RAB22A: variants seen among roughly 807,000 people sequenced by gnomAD.
RAB22A encodes RAB22A, member RAS oncogene family.
In RAB22A, 13 loss-of-function variants were observed where a neutral mutation model predicts 30.2. That is an observed-to-expected ratio of 0.43 (90% CI 0.28 to 0.68). RAB22A has a LOEUF of 0.68. Ranked by LOEUF, RAB22A falls within the 30% of genes least tolerant of loss-of-function variation. The probability of loss-of-function intolerance (pLI) is 0.18; values close to 1 mark genes in which losing one functional copy is unlikely to be tolerated. For synonymous variants in RAB22A, 89 were observed against 87.2 expected, an observed-to-expected ratio of 1.02 and a Z score of -0.11; for missense variants, 177 against 246.8, an observed-to-expected ratio of 0.72 and a Z score of 1.89.
At chr20:58,310,747 A>G (rs1986208477) in intron 1 of RAB22A, among the ~76,000 whole-genome samples, 1 of 152,224 alleles carries the variant, frequency 6.6e-6, no homozygotes, top group African/African-American at 2.4e-5. Flanking sequence ...TTCAAAGTTT[A>G]CTAACATATG....
At chr20:58,351,236 T>A (rs1352422500) in intron 3 of RAB22A, among the ~76,000 whole-genome samples, 3 of 150,792 alleles carry the variant, frequency 2.0e-5, no homozygotes, top group Non-Finnish European at 4.4e-5. Flanking sequence ...CTTGGGAGAC[T>A]GAGGCACAAG....
intron 6 of RAB22A, among the ~76,000 whole-genome samples, chr20:58,356,492 G>T (rs1987131300): frequency 6.6e-6 from 1 of 152,174 alleles, no homozygotes; most frequent in Admixed American, 6.5e-5. Context: ...AACTGCGTGA[G>T]CACAGTGCCT....
rs1986182784 is a variant in RAB22A at position 58,309,821 on chromosome 20, C to T, written c.-156C>T. 1.5e-6 allele frequency: 1 copy of T among 646,716 alleles called. No homozygotes were observed. Among genetic ancestry groups the T allele is most frequent in the Non-Finnish European group, 2.2e-6 (1 of 454,108 alleles). The allele number at this position is 646,716 out of a possible 1,614,324, so 40.1% of individuals were successfully genotyped here. ...CCCCACGCGGCTGGCAGCGGACAGG[C>T]CGGACCTACGGCCGGAGGACGGGCG... On this transcript the variant is annotated 5_prime_UTR_variant, in exon 1 of 7. Coordinates refer to ENST00000244040, the MANE Select transcript of RAB22A (RefSeq NM_020673.3).
At chr20:58,330,329 C>T (rs1239453823) in intron 2 of RAB22A, among the ~76,000 whole-genome samples, 1 of 152,172 alleles carries the variant, frequency 6.6e-6, no homozygotes, top group Non-Finnish European at 1.5e-5. Flanking sequence ...CATAGTTCCC[C>T]CATCTGCTCA....
intron 3 of RAB22A, among the ~76,000 whole-genome samples, chr20:58,344,809 A>G (rs1208486314): frequency 6.6e-6 from 1 of 152,244 alleles, no homozygotes; most frequent in Non-Finnish European, 1.5e-5. Flanking sequence ...TGTCCTAGAC[A>G]TAGACTCCAT....
chr20:58,359,815 T>C lies in RAB22A; in HGVS notation c.*112T>C, dbSNP rs1258575858. On this transcript the variant is annotated 3_prime_UTR_variant, in exon 7 of 7. Transcript: ENST00000244040. ...CCTAGCCAGTCTTGAGTCTTCTCCG[T>C]GCAAAAAGGATTCACAGAAATGGAC... The C allele has an allele frequency of 1.2e-6, 1 of 868,472 alleles. No homozygotes were observed. The highest frequency in any genetic ancestry group is 2.8e-5 in the East Asian group (1 of 35,220). The allele number at this position is 868,472 out of a possible 1,614,324, so 53.8% of individuals were successfully genotyped here. A position where few individuals can be genotyped will look rare whatever the true frequency, so the allele number is the denominator to read the frequency against.
At chr20:58,324,743 T>A (rs944918048) in intron 2 of RAB22A, among the ~76,000 whole-genome samples, 1 of 150,078 alleles carries the variant, frequency 6.7e-6, no homozygotes, top group East Asian at 2.0e-4. Flanking sequence ...GGCACATGCC[T>A]GTAGTCCCAG....
At chr20:58,329,886 C>G (rs1293102194) in intron 2 of RAB22A, among the ~76,000 whole-genome samples, 3 of 152,156 alleles carry the variant, frequency 2.0e-5, no homozygotes, top group Admixed American at 6.5e-5. Flanking sequence ...AATCTGTTGG[C>G]CCTCTTTAGT....
At chr20:58,316,717 G>A (rs1334453252) in intron 2 of RAB22A, among the ~76,000 whole-genome samples, 2 of 152,146 alleles carry the variant, frequency 1.3e-5, no homozygotes, top group African/African-American at 4.8e-5. Flanking sequence ...CATAGAGCCT[G>A]TGCCCACAGG....
chr20:58,344,477 C>G (rs1035432955), intron 3 of RAB22A, among the ~76,000 whole-genome samples: 1 of 152,004 alleles, frequency 6.6e-6, no homozygotes, highest in Non-Finnish European at 1.5e-5. Context: ...CTGCCTCCTC[C>G]CCTTTGCTCT....
At chr20:58,326,544 G>A (rs866797930) in intron 2 of RAB22A, among the ~76,000 whole-genome samples, 7 of 152,112 alleles carry the variant, frequency 4.6e-5, no homozygotes, top group African/African-American at 1.4e-4. Flanking sequence ...TATATGGATA[G>A]ACCATAATTT....
intron 2 of RAB22A, among the ~76,000 whole-genome samples, chr20:58,321,701 A>G (rs1050004703): frequency 3.3e-5 from 5 of 152,144 alleles, no homozygotes; most frequent in African/African-American, 4.8e-5. Context: ...TATTGAGTGT[A>G]TATGCATGTA....
intron 3 of RAB22A, among the ~76,000 whole-genome samples, chr20:58,349,648 G>T (rs1987011046): frequency 6.6e-6 from 1 of 152,168 alleles, no homozygotes; most frequent in Admixed American, 6.5e-5. Flanking sequence ...TAAACACCTT[G>T]GGCATTCCGA....
intron 6 of RAB22A, among the ~76,000 whole-genome samples, chr20:58,357,561 C>A (rs1391636002): frequency 6.6e-6 from 1 of 152,090 alleles, no homozygotes; most frequent in Non-Finnish European, 1.5e-5. Context: ...TGAAAATATT[C>A]TCCTCTTATT....
rs146887807 is a variant in RAB22A, at chr20:58,317,526, A to G, written c.116+6404A>G. Among the ~76,000 whole-genome samples the G allele has an allele frequency of 7.3e-5, 11 of 151,448 alleles. No homozygotes were observed. In the East Asian group the frequency reaches 2.1e-3, roughly 29 times the overall value. On this transcript the variant is annotated intron_variant, in intron 2 of 6. Transcript: ENST00000244040. ...AAATGCTTAGGAAAGTACCATGGAT[A>G]CTAGAACTCAATAAATGGTAGTTAT...
intron 2 of RAB22A, among the ~76,000 whole-genome samples, chr20:58,323,986 GTTA>G (rs1408218006): frequency 1.4e-4 from 22 of 152,004 alleles, no homozygotes; most frequent in East Asian, 1.2e-3. Flanking sequence ...GCTTTAATTA[GTTA>G]TTATTTTTTA....
intron 2 of RAB22A, among the ~76,000 whole-genome samples, chr20:58,330,539 G>T (rs577440895): frequency 5.9e-5 from 9 of 152,094 alleles, no homozygotes; most frequent in African/African-American, 2.2e-4. Context: ...ACGCTGCAAA[G>T]ATTTTAGATT....
rs200480720 is a variant in RAB22A at position 58,367,314 on chromosome 20, G to C, written c.*7611G>C. On this transcript the variant is annotated 3_prime_UTR_variant, in exon 7 of 7. Transcript: ENST00000244040. ...CTAGACCTTTTGTTTTTTGTTGTAA[G>C]ATTTTTGTTTTCATGCCTATGCTCA... 1 of 152,324 alleles carries C rather than the reference G, an allele frequency of 6.6e-6. No homozygotes were observed. Among genetic ancestry groups the C allele is most frequent in the East Asian group, 1.9e-4 (1 of 5,204 alleles). 9.4% of individuals were successfully genotyped at this position (152,324 alleles called of 1,614,324 possible).
chr20:58,333,507 T>C (rs494734), intron 2 of RAB22A, among the ~76,000 whole-genome samples: 45,266 of 151,220 alleles, frequency 0.3, 6,991 homozygotes, highest in South Asian at 0.46. Context: ...CTATTGGCTT[T>C]AAATATATAT....
Sources: allele counts gnomAD v4.1 joint callset (sites outside exome capture counted in the v4.1 genomes callset), GRCh38; gene constraint gnomAD v4.1.1; transcripts MANE v1.5; gene names NCBI Gene and HGNC (gene_info 2026-07-23, HGNC 2026-07-21).